IMMP2L: variants seen among roughly 807,000 people sequenced by gnomAD.
IMMP2L encodes inner mitochondrial membrane peptidase subunit 2.
A neutral mutation model predicts 19.3 loss-of-function variants in IMMP2L; 18 were observed. That is an observed-to-expected ratio of 0.93 (90% CI 0.64 to 1.38). The LOEUF is 1.38. Among genes scored for constraint, IMMP2L ranks in the 40% most tolerant of loss-of-function variants. The pLI, the probability that IMMP2L is intolerant of heterozygous loss-of-function variation, is 0.00. For missense variants in IMMP2L, 233 were observed against 218.2 expected (o/e 1.07, Z -0.43); for synonymous variants, 76 against 73.0 (o/e 1.04, Z -0.21).
intron 4 of IMMP2L, among the ~76,000 whole-genome samples, chr7:110,910,117 A>T (rs1238186882): frequency 1.3e-5 from 2 of 152,152 alleles, no homozygotes; most frequent in East Asian, 3.9e-4. Context: ...CCAGGCATGA[A>T]AACACAGTAT....
intron 3 of IMMP2L, chr7:111,124,027 T>C (rs1394503188): frequency 6.2e-7 from 1 of 1,614,104 alleles, no homozygotes; most frequent in Non-Finnish European, 8.5e-7. Flanking sequence ...GATGGAAATT[T>C]GTCTCCCTCT....
intron 3 of IMMP2L, among the ~76,000 whole-genome samples, chr7:111,164,963 T>C (rs1039730899): frequency 4.6e-5 from 7 of 152,202 alleles, no homozygotes; most frequent in African/African-American, 1.7e-4. Flanking sequence ...TAGCATTCAG[T>C]GGTATCAAGT....
intron 3 of IMMP2L, among the ~76,000 whole-genome samples, chr7:111,162,761 C>T (rs961170531): frequency 2.6e-5 from 4 of 151,874 alleles, no homozygotes; most frequent in Non-Finnish European, 5.9e-5. Flanking sequence ...CTCTGATCTC[C>T]GCTTGACTAA....
At chr7:111,226,790 A>C (rs1431154943) in intron 3 of IMMP2L, among the ~76,000 whole-genome samples, 2 of 152,154 alleles carry the variant, frequency 1.3e-5, no homozygotes. Flanking sequence ...TATCAGGTAC[A>C]GTATCTTTGA....
At position 111,210,007 on chromosome 7, in the gene IMMP2L, C is replaced by A. The variant is rs78144803; in HGVS notation, c.240-246442G>T. 4.1e-3 allele frequency among the ~76,000 whole-genome samples: 618 copies of A among 152,218 alleles called. 3 individuals carry two copies. The highest frequency in any genetic ancestry group is 0.014 in the African/African-American group (598 of 41,528). On this transcript the variant is annotated intron_variant, in intron 3 of 5. Coordinates refer to ENST00000405709, the MANE Select transcript of IMMP2L (RefSeq NM_032549.4). ...AGAGTCCAAGCAAGGTGTTCTTTGCCGAGAGTGAATAATCAATCTCTTCTC... is the reference window on the plus strand; with the variant it reads ...AGAGTCCAAGCAAGGTGTTCTTTGCAGAGAGTGAATAATCAATCTCTTCTC...
chr7:110,716,109 T>A (rs1795219851), intron 5 of IMMP2L, among the ~76,000 whole-genome samples: 1 of 151,778 alleles, frequency 6.6e-6, no homozygotes, highest in Non-Finnish European at 1.5e-5. Context: ...TCCATTTGCA[T>A]GACAGATCTT....
intron 3 of IMMP2L, among the ~76,000 whole-genome samples, chr7:111,012,111 T>C (rs374722152): frequency 8.5e-5 from 13 of 152,084 alleles, no homozygotes; most frequent in Non-Finnish European, 1.9e-4. Flanking sequence ...ATTCTATTAG[T>C]TGAGGAGCTG....
chr7:110,987,386 T>A (rs1402430729), intron 3 of IMMP2L, among the ~76,000 whole-genome samples: 2 of 152,170 alleles, frequency 1.3e-5, no homozygotes, highest in Non-Finnish European at 2.9e-5. Flanking sequence ...TTTATTTGAA[T>A]CAGAACCACT....
At chr7:111,301,015 C>T (rs1038657379) in intron 3 of IMMP2L, among the ~76,000 whole-genome samples, 35 of 152,050 alleles carry the variant, frequency 2.3e-4, no homozygotes, top group African/African-American at 7.5e-4. Flanking sequence ...GAAACTGCCA[C>T]ACTGTTTTTT....
chr7:110,897,423 T>A (rs527791134), intron 4 of IMMP2L, among the ~76,000 whole-genome samples: 1 of 152,268 alleles, frequency 6.6e-6, no homozygotes, highest in Non-Finnish European at 1.5e-5. Flanking sequence ...AGAGTAAACA[T>A]GACTCTATAG....
intron 2 of IMMP2L, among the ~76,000 whole-genome samples, chr7:111,496,768 A>G (rs190086793): frequency 6.6e-6 from 1 of 152,186 alleles, no homozygotes; most frequent in Admixed American, 6.5e-5. Flanking sequence ...TGTGGTTCTG[A>G]GGCCTTCAGA....
chr7:111,497,060 T>C (rs1054145556), intron 2 of IMMP2L, among the ~76,000 whole-genome samples: 4 of 152,178 alleles, frequency 2.6e-5, no homozygotes, highest in African/African-American at 9.6e-5. Flanking sequence ...ATATAACATA[T>C]TGATTTAATT....
At chr7:110,896,478 A>T (rs2894579) in intron 4 of IMMP2L, among the ~76,000 whole-genome samples, 1 of 27,448 alleles carries the variant, frequency 3.6e-5, no homozygotes, top group Non-Finnish European at 5.5e-5. Context: ...TTCAAAAAAA[A>T]TATTTATCCA....
chr7:111,316,520 C>A (rs539263205), intron 3 of IMMP2L, among the ~76,000 whole-genome samples: 2 of 152,166 alleles, frequency 1.3e-5, no homozygotes, highest in South Asian at 4.1e-4. Flanking sequence ...GGTTCTTATT[C>A]ATCAAGATTC....
At chr7:111,061,716 C>T (rs993217575) in intron 3 of IMMP2L, among the ~76,000 whole-genome samples, 4 of 152,308 alleles carry the variant, frequency 2.6e-5, no homozygotes, top group African/African-American at 9.6e-5. Context: ...TGTTCCCACC[C>T]AGTTTCCAAA....
At chr7:111,464,812 C>T (rs756700398) in intron 3 of IMMP2L, among the ~76,000 whole-genome samples, 3 of 151,884 alleles carry the variant, frequency 2.0e-5, no homozygotes, top group Admixed American at 2.0e-4. Flanking sequence ...TTTCCCGAAA[C>T]GGAGCCTAGC....
intron 3 of IMMP2L, among the ~76,000 whole-genome samples, chr7:111,134,878 G>T (rs1457806543): frequency 6.6e-6 from 1 of 151,930 alleles, no homozygotes; most frequent in Non-Finnish European, 1.5e-5. Context: ...TAGTGGAGAG[G>T]ACTCCATCTC....
intron 2 of IMMP2L, among the ~76,000 whole-genome samples, chr7:111,497,534 T>G (rs1843706270): frequency 6.6e-6 from 1 of 151,804 alleles, no homozygotes; most frequent in South Asian, 2.1e-4. Flanking sequence ...GTCTGGAGAA[T>G]AAGTGAAAAA....
At chr7:111,007,977 C>T (rs1824489582) in intron 3 of IMMP2L, among the ~76,000 whole-genome samples, 1 of 152,024 alleles carries the variant, frequency 6.6e-6, no homozygotes, top group Admixed American at 6.6e-5. Flanking sequence ...TGTCTCTTAC[C>T]CACATCTAAT....
Sources: allele counts gnomAD v4.1 joint callset (sites outside exome capture counted in the v4.1 genomes callset), GRCh38; gene constraint gnomAD v4.1.1; transcripts MANE v1.5; gene names NCBI Gene and HGNC (gene_info 2026-07-23, HGNC 2026-07-21).